JAKMIP1: variants seen among roughly 807,000 people sequenced by gnomAD.
JAKMIP1 encodes the protein janus kinase and microtubule-interacting protein 1.
JAKMIP1 carries 33 observed loss-of-function variants against 113.0 expected under a neutral mutation model. The ratio of observed to expected loss-of-function variants is 0.29; its 90% CI spans 0.22 to 0.39. The LOEUF is 0.39. Ranked by LOEUF, JAKMIP1 falls within the 10% of genes least tolerant of loss-of-function variation. The pLI is 1.00. For synonymous variants in JAKMIP1, 480 were observed against 459.9 expected, an observed-to-expected ratio of 1.04 and a Z score of -0.56; for missense variants, 813 against 1,080.5, an observed-to-expected ratio of 0.75 and a Z score of 3.47.
chr4:6,154,787 G>A lies in JAKMIP1; in HGVS notation c.-147-41790C>T, dbSNP rs1198878273. Among the ~76,000 whole-genome samples, 1 of 152,060 alleles carries A rather than the reference G, an allele frequency of 6.6e-6. No homozygotes were observed. Among genetic ancestry groups the A allele is most frequent in the African/African-American group, 2.4e-5 (1 of 41,392 alleles). On this transcript the variant is annotated intron_variant, in intron 1 of 20. Coordinates refer to ENST00000409021, the MANE Select transcript of JAKMIP1 (RefSeq NM_001099433.2). The surrounding 1 kb of genome is among the most constrained non-coding windows in gnomAD (Gnocchi z 4.2). ...CTACAGACAGCACCCTAAACATCCT[G>A]TTCTGCCTTTGTATCCAGTGGACAG...
chr4:6,116,087 T>C lies in JAKMIP1; in HGVS notation c.-147-3090A>G, dbSNP rs1270269202. On this transcript the variant is annotated intron_variant, in intron 1 of 20. Coordinates refer to ENST00000409021, the MANE Select transcript of JAKMIP1 (RefSeq NM_001099433.2). The surrounding 1 kb of genome is among the most constrained non-coding windows in gnomAD (Gnocchi z 5.1). ...CTGCCAGGCTGGGCCACAGTGAGTG[T>C]GGAGACGAATGGAGTGCAGGAGGGG... Among the ~76,000 whole-genome samples, 1 of 152,060 alleles carries C rather than the reference T, an allele frequency of 6.6e-6. No homozygotes were observed. The highest frequency in any genetic ancestry group is 1.5e-5 in the Non-Finnish European group (1 of 68,002).
chr4:6,114,175 G>A (rs1441699717), intron 1 of JAKMIP1, among the ~76,000 whole-genome samples: 1 of 152,222 alleles, frequency 6.6e-6, no homozygotes, highest in Non-Finnish European at 1.5e-5. Flanking sequence ...GCAGAGCGAG[G>A]AGGGAACACT....
chr4:6,065,123 G>A lies in JAKMIP1; in HGVS notation c.1303-115C>T. ...GTGATGATTGACATTTGGGCCACTG[G>A]GGCATCACAAGATGCGGTTGGTGGG... On this transcript the variant is annotated intron_variant, in intron 8 of 20. Coordinates refer to ENST00000409021, the MANE Select transcript of JAKMIP1 (RefSeq NM_001099433.2). The surrounding 1 kb of genome is among the most constrained non-coding windows in gnomAD (Gnocchi z 5.1). 1 of 1,308,468 alleles carries A rather than the reference G, an allele frequency of 7.6e-7. No individual in the cohort carries two copies. The highest frequency in any genetic ancestry group is 1.1e-6 in the Non-Finnish European group (1 of 921,860). The allele number at this position is 1,308,468 out of a possible 1,614,324, so 81.1% of individuals were successfully genotyped here.
chr4:6,079,838 C>T (rs1720247532), intron 7 of JAKMIP1, among the ~76,000 whole-genome samples: 2 of 152,240 alleles, frequency 1.3e-5, no homozygotes, highest in African/African-American at 4.8e-5. Flanking sequence ...AAAGCCTTCT[C>T]TGGAACAGAT....
rs531444074 is a variant in JAKMIP1, at chr4:6,039,374, C to G, written c.2175+1265G>C. 2.6e-5 allele frequency among the ~76,000 whole-genome samples: 4 copies of G among 152,196 alleles called. No individual in the cohort carries two copies. In the East Asian group the frequency reaches 7.7e-4, roughly 29 times the overall value. On this transcript the variant is annotated intron_variant, in intron 18 of 20. Transcript: ENST00000409021. ...CGGAGCCTCAACTCACCCTTTAGCA[C>G]GCTAAGACCCCAAGAAGTCCTTCAG...
At chr4:6,149,269 A>C (rs1721262620) in intron 1 of JAKMIP1, among the ~76,000 whole-genome samples, 1 of 152,238 alleles carries the variant, frequency 6.6e-6, no homozygotes, top group Non-Finnish European at 1.5e-5. Flanking sequence ...AAAATGTGAG[A>C]GTTTCAGAAG....
At chr4:6,126,304 G>A (rs1352850637) in intron 1 of JAKMIP1, among the ~76,000 whole-genome samples, 1 of 90,584 alleles carries the variant, frequency 1.1e-5, no homozygotes, top group Non-Finnish European at 2.2e-5. Flanking sequence ...ACACCATACA[G>A]AAACACACAC....
chr4:6,169,359 G>A (rs1425105400), intron 1 of JAKMIP1, among the ~76,000 whole-genome samples: 1 of 152,124 alleles, frequency 6.6e-6, no homozygotes, highest in African/African-American at 2.4e-5. Flanking sequence ...AGACGCAGCA[G>A]GAGGAGTCCA....
At chr4:6,170,996 C>T (rs111074323) in intron 1 of JAKMIP1, among the ~76,000 whole-genome samples, 4,033 of 150,792 alleles carry the variant, frequency 0.027, 193 homozygotes, top group African/African-American at 0.092. Context: ...CCATTGCCAC[C>T]CTTACCACCA....
chr4:6,072,465 G>T (rs1719100113), intron 8 of JAKMIP1, among the ~76,000 whole-genome samples: 1 of 152,222 alleles, frequency 6.6e-6, no homozygotes, highest in Non-Finnish European at 1.5e-5. Context: ...CCTGATGGCT[G>T]CTGTGGAGGA....
chr4:6,168,578 A>T lies in JAKMIP1; in HGVS notation c.-148+31675T>A, dbSNP rs1723942416. 6.6e-6 allele frequency among the ~76,000 whole-genome samples: 1 copy of T among 152,074 alleles called. No individual in the cohort carries two copies. The highest frequency in any genetic ancestry group is 2.4e-5 in the African/African-American group (1 of 41,344). On this transcript the variant is annotated intron_variant, in intron 1 of 20. Coordinates refer to ENST00000409021, the MANE Select transcript of JAKMIP1 (RefSeq NM_001099433.2). This position sits in a 1 kb window ranked among gnomAD's most constrained non-coding sequence, Gnocchi z 4.6. Reference sequence around the variant, plus strand: ...ACAGATTGAATATTCCATTTAGATTAAATGTCTAGAATAGGGAAATCCATA... The same window carrying T: ...ACAGATTGAATATTCCATTTAGATTTAATGTCTAGAATAGGGAAATCCATA...
chr4:6,190,241 C>T (rs192167400), intron 1 of JAKMIP1, among the ~76,000 whole-genome samples: 16 of 152,210 alleles, frequency 1.1e-4, no homozygotes, highest in African/African-American at 3.6e-4. Context: ...TACAACATGA[C>T]GTTACAGGCT....
In JAKMIP1 at chr4:6,064,668, C is replaced by T. The variant is rs1429795932; in HGVS notation, c.1431+212G>A. Reference sequence around the variant, plus strand: ...GTGCTGGGGAAAGAAAGGGTCCCCACGTGCTGCCCTCCCATCGCCATTCAT... The same window carrying T: ...GTGCTGGGGAAAGAAAGGGTCCCCATGTGCTGCCCTCCCATCGCCATTCAT... On this transcript the variant is annotated intron_variant, in intron 9 of 20. Coordinates refer to ENST00000409021, the MANE Select transcript of JAKMIP1 (RefSeq NM_001099433.2). The surrounding 1 kb of genome is among the most constrained non-coding windows in gnomAD (Gnocchi z 4.3). Among the ~76,000 whole-genome samples, 2 of 152,114 alleles carry T rather than the reference C, an allele frequency of 1.3e-5. No homozygotes were observed. The highest frequency in any genetic ancestry group is 2.1e-4 in the South Asian group (1 of 4,820).
chr4:6,068,053 C>T (rs1718423700), intron 8 of JAKMIP1, among the ~76,000 whole-genome samples: 1 of 152,244 alleles, frequency 6.6e-6, no homozygotes, highest in African/African-American at 2.4e-5. Flanking sequence ...ATCAGGGACC[C>T]TCCTGGGGGC....
intron 19 of JAKMIP1, among the ~76,000 whole-genome samples, chr4:6,035,388 C>G (rs1399945034): frequency 6.6e-6 from 1 of 152,138 alleles, no homozygotes; most frequent in Non-Finnish European, 1.5e-5. Context: ...CATGATGCTG[C>G]TGCTTCTTTC....
At chr4:6,127,609 C>T (rs1329811324) in intron 1 of JAKMIP1, among the ~76,000 whole-genome samples, 1 of 152,146 alleles carries the variant, frequency 6.6e-6, no homozygotes, top group Non-Finnish European at 1.5e-5. Context: ...TGGCCCCGCA[C>T]CGTGTGAAGA....
rs565817021 is a variant in JAKMIP1 at position 6,171,374 on chromosome 4, C to T, written c.-148+28879G>A. 1.6e-3 allele frequency among the ~76,000 whole-genome samples: 239 copies of T among 151,058 alleles called. 1 individual carries two copies. Among genetic ancestry groups the T allele is most frequent in the Non-Finnish European group, 2.3e-3 (157 of 67,564 alleles). ...CTCACCTCCACTACCACCCTCCTTA[C>T]CACCATCACCACCATCACCATTATC... is the stretch of plus-strand genomic sequence containing the variant. On this transcript the variant is annotated intron_variant, in intron 1 of 20. Coordinates refer to ENST00000409021, the MANE Select transcript of JAKMIP1 (RefSeq NM_001099433.2).
intron 1 of JAKMIP1, among the ~76,000 whole-genome samples, chr4:6,189,928 C>A (rs1311807407): frequency 6.6e-6 from 1 of 152,164 alleles, no homozygotes; most frequent in African/African-American, 2.4e-5. Context: ...CTGCTGCAGG[C>A]GTGGCAGGAG....
In JAKMIP1 at chr4:6,145,362, G is replaced by C. The variant is rs1012194135; in HGVS notation, c.-147-32365C>G. Among the ~76,000 whole-genome samples the C allele has an allele frequency of 2.6e-5, 4 of 152,280 alleles. No individual in the cohort carries two copies. In the East Asian group the frequency reaches 7.7e-4, roughly 29 times the overall value. ...CCTGCCCAAGTCACAGAGCTGATTA[G>C]TGGAGGCACCAAAATTTGAACCCAG... On this transcript the variant is annotated intron_variant, in intron 1 of 20. Transcript: ENST00000409021.
Sources: allele counts gnomAD v4.1 joint callset (sites outside exome capture counted in the v4.1 genomes callset), GRCh38; gene constraint gnomAD v4.1.1; non-coding constraint Gnocchi (gnomAD v3.1); transcripts MANE v1.5; gene names NCBI Gene and HGNC (gene_info 2026-07-23, HGNC 2026-07-21).